The following SLC2A10 variants were observed in gnomAD, a reference collection of about 807,000 sequenced individuals.
SLC2A10 encodes solute carrier family 2, facilitated glucose transporter member 10.
SLC2A10 carries 25 observed loss-of-function variants against 32.1 expected under a neutral mutation model. That is an observed-to-expected ratio of 0.78 (90% CI 0.57 to 1.09). SLC2A10 has a LOEUF of 1.09. SLC2A10 is among the 50% of genes least tolerant of loss of function. SLC2A10 has a pLI of 0.00. For missense variants in SLC2A10, 673 were observed against 686.5 expected (o/e 0.98, Z 0.22); for synonymous variants, 332 against 309.6 (o/e 1.07, Z -0.76).
chr20:46,725,992 T>A lies in SLC2A10; in HGVS notation c.956T>A (p.Phe319Tyr). 1 of 1,613,942 alleles carries A rather than the reference T, an allele frequency of 6.2e-7. No homozygotes were observed. Among genetic ancestry groups the A allele is most frequent in the Non-Finnish European group, 8.5e-7 (1 of 1,180,016 alleles). Residue 319 changes from phenylalanine (F) to tyrosine (Y), a missense_variant, in exon 2 of 5, where the codon TTT becomes TAT. Transcript: ENST00000359271. ...GTCAGTGGCATAGGCCTCGTCAGCT[T>A]TGCCGTGCCCATGGACTCAGGCCCA... The part of the protein sequence containing the change: ...LSVSGIGLVS[F>Y]AVPMDSGPSC...
chr20:46,725,151 G>A lies in SLC2A10; in HGVS notation c.115G>A (p.Asp39Asn), dbSNP rs367623970. 113 of 1,614,070 alleles carry A rather than the reference G, an allele frequency of 7.0e-5. No homozygotes were observed. Among genetic ancestry groups the A allele is most frequent in the Non-Finnish European group, 9.0e-5 (106 of 1,180,038 alleles). The change falls in exon 2 of 5, where the codon GAC (aspartate) becomes AAC (asparagine). Residue 39 changes from aspartate to asparagine, a missense_variant. Asp to Asn is a conservative substitution (Grantham distance 23). Transcript: ENST00000359271. The part of the protein sequence containing the change: ...ISGALLPLQL[D>N]FGLSCLEQEF... ...AGGTGCCCTGCTGCCACTGCAGCTT[G>A]ACTTTGGGCTAAGCTGCTTGGAGCA...
At chr20:46,721,273 C>T (rs1281139106) in intron 1 of SLC2A10, among the ~76,000 whole-genome samples, 1 of 152,160 alleles carries the variant, frequency 6.6e-6, no homozygotes, top group Non-Finnish European at 1.5e-5. Flanking sequence ...TAGAGACCAG[C>T]TCCCACAGCC....
rs770701918 is a variant in SLC2A10, at chr20:46,725,039, A to G, written c.5-2A>G. 6.2e-7 allele frequency: 1 copy of G among 1,614,174 alleles called. No homozygotes were observed. Among genetic ancestry groups the G allele is most frequent in the Admixed American group, 1.7e-5 (1 of 60,032 alleles). Reference sequence around the variant, plus strand: ...TCTGTCCCTCTCACTTTTGTTTTTTAGGCCACTCCCCACCTGTCCTGCCTT... The same window carrying G: ...TCTGTCCCTCTCACTTTTGTTTTTTGGGCCACTCCCCACCTGTCCTGCCTT... On this transcript the variant is annotated splice_acceptor_variant, in intron 1 of 4. Coordinates refer to ENST00000359271, the MANE Select transcript of SLC2A10 (RefSeq NM_030777.4). LOFTEE classifies it high-confidence loss of function.
chr20:46,726,723 A>C (rs1203999768), intron 2 of SLC2A10, 141 bp from the exon 3 acceptor site: 1 of 1,159,180 alleles, frequency 8.6e-7, no homozygotes, highest in African/African-American at 1.5e-5. Flanking sequence ...TGTAATTCTT[A>C]TAGCAGAATG....
intron 4 of SLC2A10, among the ~76,000 whole-genome samples, chr20:46,730,242 C>A (rs1980224497): frequency 6.6e-6 from 1 of 152,152 alleles, no homozygotes; most frequent in Non-Finnish European, 1.5e-5. Flanking sequence ...GTGTTCAGAG[C>A]CTTAGGAAAC....
At chr20:46,718,951 G>T (rs1979403749) in intron 1 of SLC2A10, among the ~76,000 whole-genome samples, 1 of 151,958 alleles carries the variant, frequency 6.6e-6, no homozygotes, top group Non-Finnish European at 1.5e-5. Flanking sequence ...AATTTTTAAA[G>T]AAAATTTTTC....
At chr20:46,721,343 G>T (rs1035616833) in intron 1 of SLC2A10, among the ~76,000 whole-genome samples, 5 of 151,140 alleles carry the variant, frequency 3.3e-5, no homozygotes, top group African/African-American at 1.2e-4. Flanking sequence ...AAACAGAAAA[G>T]AACCTTGTTT....
At chr20:46,722,522 G>T (rs1979615522) in intron 1 of SLC2A10, among the ~76,000 whole-genome samples, 1 of 152,260 alleles carries the variant, frequency 6.6e-6, no homozygotes, top group African/African-American at 2.4e-5. Flanking sequence ...CTTTATGAAG[G>T]GTTATCTATG....
intron 4 of SLC2A10, among the ~76,000 whole-genome samples, chr20:46,731,773 A>G (rs1354658380): frequency 6.6e-6 from 1 of 151,984 alleles, no homozygotes; most frequent in Non-Finnish European, 1.5e-5. Flanking sequence ...AGAGAGAGAA[A>G]CTCGACTTTA....
chr20:46,732,916 G>A (rs1980371598), intron 4 of SLC2A10, among the ~76,000 whole-genome samples: 1 of 152,150 alleles, frequency 6.6e-6, no homozygotes, highest in Non-Finnish European at 1.5e-5. Flanking sequence ...AAGGCCCGGA[G>A]GTGGAAACAA....
chr20:46,719,262 A>G (rs1004764448), intron 1 of SLC2A10, among the ~76,000 whole-genome samples: 10 of 151,964 alleles, frequency 6.6e-5, no homozygotes, highest in Admixed American at 5.2e-4. Flanking sequence ...TTTGCACTAG[A>G]TCTGCAGCAA....
chr20:46,712,190 C>G (rs1356952620), intron 1 of SLC2A10, among the ~76,000 whole-genome samples: 1 of 152,212 alleles, frequency 6.6e-6, no homozygotes, highest in Non-Finnish European at 1.5e-5. Flanking sequence ...GCTGTGGCTG[C>G]AATTGCTGGG....
At chr20:46,724,992 T>C (rs768639079) in intron 1 of SLC2A10, 49 bp from the exon 2 acceptor site, 2 of 1,613,310 alleles carry the variant, frequency 1.2e-6, no homozygotes, top group Admixed American at 3.3e-5. Context: ...GGATGGATGG[T>C]ATGACAAGGA....
In SLC2A10 at chr20:46,725,456, G is replaced by A; in HGVS notation, c.420G>A (p.Glu140=). Residue 140 remains glutamate (E), a synonymous_variant, in exon 2 of 5, where the codon GAG becomes GAA. Coordinates refer to ENST00000359271, the MANE Select transcript of SLC2A10 (RefSeq NM_030777.4). ...GGGGAGTGCTGGTGTCCCTCTATGA[G>A]GCAGGCATCACCGTGGGCATCCTGC... The part of the protein sequence containing the change: ...RQRGVLVSLY[E]AGITVGILLS... The A allele has an allele frequency of 6.2e-7, 1 of 1,614,168 alleles. No individual in the cohort carries two copies. The highest frequency in any genetic ancestry group is 8.5e-7 in the Non-Finnish European group (1 of 1,180,024).
upstream of SLC2A10, among the ~76,000 whole-genome samples, chr20:46,709,270 G>T (rs575415358): frequency 6.6e-6 from 1 of 151,138 alleles, no homozygotes; most frequent in Admixed American, 6.6e-5. Context: ...TGTGTGTGTT[G>T]TGTGTGTTGT....
chr20:46,711,149 G>A (rs1210560032), intron 1 of SLC2A10, among the ~76,000 whole-genome samples: 2 of 152,346 alleles, frequency 1.3e-5, no homozygotes, highest in Middle Eastern at 3.4e-3. Context: ...GTGAGCCTCC[G>A]CGCCCGGCCC....
In SLC2A10 at chr20:46,729,340, C is replaced by T. The variant is rs371888996; in HGVS notation, c.1412-13C>T. On this transcript the variant is annotated splice_polypyrimidine_tract_variant and intron_variant, in intron 3 of 4. Coordinates refer to ENST00000359271, the MANE Select transcript of SLC2A10 (RefSeq NM_030777.4). Reference sequence around the variant, plus strand: ...TTGGTCCTGGGCCTACACTCCCGCCCTCCTGTTTCCAGGCACCATCGGCTT... The same window carrying T: ...TTGGTCCTGGGCCTACACTCCCGCCTTCCTGTTTCCAGGCACCATCGGCTT... The T allele has an allele frequency of 6.6e-5, 107 of 1,613,110 alleles. No individual in the cohort carries two copies. Among genetic ancestry groups the T allele is most frequent in the Non-Finnish European group, 9.1e-5 (107 of 1,179,910 alleles).
At chr20:46,721,038 TTTTTC>T (rs1979521778) in intron 1 of SLC2A10, among the ~76,000 whole-genome samples, 1 of 152,090 alleles carries the variant, frequency 6.6e-6, no homozygotes, top group Non-Finnish European at 1.5e-5. Flanking sequence ...CTCCACACAG[TTTTTC>T]CATGTGACAG....
In SLC2A10 at chr20:46,734,107, G is replaced by C; in HGVS notation, c.*273G>C. The C allele has an allele frequency of 1.9e-6, 1 of 526,612 alleles. No homozygotes were observed. Among genetic ancestry groups the C allele is most frequent in the Non-Finnish European group, 3.4e-6 (1 of 291,942 alleles). 32.6% of individuals were successfully genotyped at this position (526,612 alleles called of 1,614,324 possible). A position where few individuals can be genotyped will look rare whatever the true frequency, so the allele number is the denominator to read the frequency against. Reference sequence around the variant, plus strand: ...CACATCTCTGCAGTATTTATAAGAAGAATATTCTATGAAGTCTTTGTTGCA... The same window carrying C: ...CACATCTCTGCAGTATTTATAAGAACAATATTCTATGAAGTCTTTGTTGCA... On this transcript the variant is annotated 3_prime_UTR_variant, in exon 5 of 5. Coordinates refer to ENST00000359271, the MANE Select transcript of SLC2A10 (RefSeq NM_030777.4).
Sources: allele counts gnomAD v4.1 joint callset (sites outside exome capture counted in the v4.1 genomes callset), GRCh38; gene constraint gnomAD v4.1.1; transcripts MANE v1.5; gene names NCBI Gene and HGNC (gene_info 2026-07-23, HGNC 2026-07-21).